The following EPB41 variants were observed in gnomAD, a reference collection of about 807,000 sequenced individuals.
The protein encoded by EPB41 is protein 4.1.
Under a neutral mutation model 108.0 loss-of-function variants are expected in EPB41, and 65 were observed. The ratio of observed to expected loss-of-function variants is 0.60; its 90% CI spans 0.49 to 0.74. EPB41 has a LOEUF of 0.74. Among genes scored for constraint, EPB41 ranks in the 30% least tolerant of loss-of-function variants. EPB41 has a pLI of 0.00. For synonymous variants in EPB41, 336 were observed against 358.9 expected (o/e 0.94, Z 0.72); for missense variants, 875 against 1,037.0 (o/e 0.84, Z 2.15).
Position 28,993,429 on chromosome 1 carries a change from C to A in EPB41, c.568C>A (p.Gln190Lys). Residue 190 changes from glutamine to lysine, a missense_variant, in exon 3 of 21, where the codon CAA (glutamine) becomes AAA (lysine). By Grantham distance (53) the Gln-to-Lys change is moderately conservative. Around this residue, in one of 3 missense-constraint regions of EPB41, gnomAD observed 353 missense variants for 393.2 expected, o/e 0.90. Coordinates refer to ENST00000343067, the MANE Select transcript of EPB41 (RefSeq NM_001376013.1). ...SKIEVKEESP[Q>K]SKAETELKAS... Reference sequence around the variant, plus strand: ...AATAGAAGTAAAAGAAGAAAGCCCTCAATCAAAAGCAGAAACAGAATTAAA... The same window carrying A: ...AATAGAAGTAAAAGAAGAAAGCCCTAAATCAAAAGCAGAAACAGAATTAAA... 6.2e-7 allele frequency: 1 copy of A among 1,614,000 alleles called. No homozygotes were observed. Among genetic ancestry groups the A allele is most frequent in the Non-Finnish European group, 8.5e-7 (1 of 1,179,980 alleles).
chr1:29,036,791 CCA>C (rs906255434), intron 10 of EPB41, among the ~76,000 whole-genome samples: 1 of 151,044 alleles, frequency 6.6e-6, no homozygotes, highest in African/African-American at 2.4e-5. Flanking sequence ...TTCTCCTGCC[CCA>C]GTCTCCTGAG....
At chr1:28,968,464 T>C (rs2095414783) in intron 1 of EPB41, among the ~76,000 whole-genome samples, 1 of 152,182 alleles carries the variant, frequency 6.6e-6, no homozygotes. Flanking sequence ...TTTCTAAAAA[T>C]TTATGATTGT....
chr1:28,911,390 G>C (rs1475817745), upstream of EPB41, among the ~76,000 whole-genome samples: 1 of 152,208 alleles, frequency 6.6e-6, no homozygotes, highest in Non-Finnish European at 1.5e-5. Context: ...CTGAATTTCA[G>C]AGTAGTTCAT....
chr1:29,109,386 A>G lies in EPB41; in HGVS notation c.2364A>G (p.Gln788=), dbSNP rs755536973. 1.1e-5 allele frequency: 17 copies of G among 1,614,002 alleles called. No homozygotes were observed. Among genetic ancestry groups the G allele is most frequent in the African/African-American group, 2.7e-5 (2 of 74,908 alleles). The change falls in exon 18 of 21, where the codon CAA becomes CAG. Residue 788 remains glutamine (Q), a synonymous_variant. Transcript: ENST00000343067. ...DLDPGVLLTA[Q]TITSETPSST... is the part of the protein sequence containing the mutation. Reference sequence around the variant, plus strand: ...ACCCAGGAGTCTTGCTGACAGCTCAAACTATCACATCTGAGACCCCAAGCA... The same window carrying G: ...ACCCAGGAGTCTTGCTGACAGCTCAGACTATCACATCTGAGACCCCAAGCA...
chr1:29,069,497 TTTTG>T, intron 16 of EPB41: 1 of 1,168,108 alleles, frequency 8.6e-7, no homozygotes, highest in Non-Finnish European at 1.1e-6. Context: ...CTTTTATACT[TTTTG>T]TTTTTCTTTT....
intron 16 of EPB41, chr1:29,096,478 TG>T (rs1663259946): frequency 2.0e-6 from 2 of 985,774 alleles, no homozygotes; most frequent in African/African-American, 3.5e-5. Flanking sequence ...AGCTGCAACC[TG>T]GTGTAAAAAA....
At chr1:28,980,795 T>G (rs79422177) in intron 1 of EPB41, among the ~76,000 whole-genome samples, 7 of 77,456 alleles carry the variant, frequency 9.0e-5, no homozygotes, top group African/African-American at 4.7e-4. Context: ...ATTCCAGGAG[T>G]TTTTTTTTTT....
At chr1:28,947,327 G>C (rs2094519596) in intron 1 of EPB41, among the ~76,000 whole-genome samples, 1 of 151,928 alleles carries the variant, frequency 6.6e-6, no homozygotes, top group African/African-American at 2.4e-5. Flanking sequence ...AGAATCGCTT[G>C]ATCTCGGGAG....
At chr1:28,924,257 C>G (rs189734) in intron 1 of EPB41, among the ~76,000 whole-genome samples, 8,047 of 152,236 alleles carry the variant, frequency 0.053, 411 homozygotes, top group East Asian at 0.2. Flanking sequence ...TGGCCGGGTG[C>G]GTGGCTCATG....
At chr1:28,914,304 G>C (rs2148033727), upstream of EPB41, among the ~76,000 whole-genome samples, 1 of 152,324 alleles carries the variant, frequency 6.6e-6, no homozygotes. Flanking sequence ...GACCGGGTTC[G>C]ACTTGCGCGT....
At chr1:28,902,804 G>A (rs1320434814) in intron 1 of EPB41, among the ~76,000 whole-genome samples, 1 of 152,212 alleles carries the variant, frequency 6.6e-6, no homozygotes, top group African/African-American at 2.4e-5. Context: ...AAGTGGCTGT[G>A]TAGCTACTGA....
Position 28,941,723 on chromosome 1 carries a change from C to T in EPB41, c.-8+26955C>T, listed in dbSNP as rs566401007. On this transcript the variant is annotated intron_variant, in intron 1 of 20. Transcript: ENST00000343067. ...CCAGCCTGACCAACATGGAGAAACC[C>T]CGTCTCTACTAAAAATACAAAATTA... is the stretch of plus-strand genomic sequence containing the variant. Among the ~76,000 whole-genome samples, 289 of 151,982 alleles carry T rather than the reference C, an allele frequency of 1.9e-3. 5 individuals are homozygous for T. Among genetic ancestry groups the T allele is most frequent in the Admixed American group, 0.017 (261 of 15,270 alleles).
At chr1:29,089,827 A>G (rs923234934) in intron 16 of EPB41, among the ~76,000 whole-genome samples, 3 of 152,230 alleles carry the variant, frequency 2.0e-5, no homozygotes, top group African/African-American at 7.2e-5. Flanking sequence ...CTGAATTTTC[A>G]GTGTTTAATT....
chr1:29,000,768 T>G (rs975870504), intron 4 of EPB41, among the ~76,000 whole-genome samples: 1 of 152,132 alleles, frequency 6.6e-6, no homozygotes, highest in Non-Finnish European at 1.5e-5. Context: ...TACTCTATAT[T>G]TTATGCTTCT....
In EPB41 at chr1:29,047,253, C is replaced by CTTTTTTTTTT. The variant is rs755248112; in HGVS notation, c.1637-5844_1637-5835dup. 4.8e-4 allele frequency among the ~76,000 whole-genome samples: 48 copies of CTTTTTTTTTT among 100,524 alleles called. 2 individuals carry two copies. The highest frequency in any genetic ancestry group is 2.0e-3 in the African/African-American group (40 of 19,748). The allele number at this position is 100,524 out of a possible 152,430, so 65.9% of individuals were successfully genotyped here. ...TGTTTCTTTTTTCTTTCTTTCTTTC[C>CTTTTTTTTTT]TTTTTTTTTTTTTTTTGGAGAGAGA... is the stretch of plus-strand genomic sequence containing the variant. On this transcript the variant is annotated intron_variant, in intron 11 of 20. Transcript: ENST00000343067.
chr1:29,111,976 CAA>C (rs142587197), intron 18 of EPB41, among the ~76,000 whole-genome samples: 6 of 82,098 alleles, frequency 7.3e-5, no homozygotes, highest in Admixed American at 1.3e-4. Flanking sequence ...GACTCTGTCT[CAA>C]AAAAAAAAAA....
intron 1 of EPB41, among the ~76,000 whole-genome samples, chr1:28,931,770 A>G (rs551755826): frequency 2.6e-5 from 4 of 151,676 alleles, no homozygotes; most frequent in Non-Finnish European, 4.4e-5. Flanking sequence ...TCCTGACCTC[A>G]TGATCCACTC....
rs1224317350 is a variant in EPB41 at position 29,058,609 on chromosome 1, G to A, written c.1866G>A (p.Glu622=). The change falls in exon 13 of 21, where the codon GAG becomes GAA. Residue 622 remains glutamate, a synonymous_variant. Transcript: ENST00000343067. ...EAWKVEKTHI[E]VTVPTSNGDQ... ...TGTAGGTGGAAAAAACCCACATCGA[G>A]GTGACAGTACCCACCTCAAATGGTG... The A allele has an allele frequency of 2.5e-6, 4 of 1,613,608 alleles. No homozygotes were observed. In the African/African-American group the frequency reaches 5.3e-5, roughly 22 times the overall value.
At chr1:28,989,603 A>C (rs776305537) in intron 2 of EPB41, among the ~76,000 whole-genome samples, 16 of 152,212 alleles carry the variant, frequency 1.1e-4, no homozygotes, top group Non-Finnish European at 2.1e-4. Context: ...TGAGGGTAAA[A>C]TTTAGGATAA....
Sources: allele counts gnomAD v4.1 joint callset (sites outside exome capture counted in the v4.1 genomes callset), GRCh38; gene constraint gnomAD v4.1.1; regional missense constraint gnomAD v4.1.1; transcripts MANE v1.5; gene names NCBI Gene and HGNC (gene_info 2026-07-23, HGNC 2026-07-21).